CDNF: variants seen among roughly 807,000 people sequenced by gnomAD.
The protein encoded by CDNF is cerebral dopamine neurotrophic factor.
In CDNF, 9 loss-of-function variants were observed where a neutral mutation model predicts 14.8. The ratio of observed to expected loss-of-function variants is 0.61; its 90% confidence interval spans 0.37 to 1.06. CDNF has a LOEUF of 1.06. Ranked by LOEUF, CDNF falls within the 50% of genes least tolerant of loss-of-function variation. CDNF has a pLI of 0.01. For synonymous variants in CDNF, 86 were observed against 87.2 expected (o/e 0.99, Z 0.07); for missense variants, 228 against 228.4 (o/e 1.00, Z 0.01).
At chr10:14,825,197 C>A (rs529599916) in intron 3 of CDNF, among the ~76,000 whole-genome samples, 200 of 152,220 alleles carry the variant, frequency 1.3e-3, no homozygotes, top group African/African-American at 4.6e-3. Context: ...ACCTTGCGAT[C>A]CGCCCGTCTC....
In CDNF at chr10:14,828,270, A is replaced by G. The variant is rs1833815609; in HGVS notation, c.118T>C (p.Cys40Arg). 6.2e-7 allele frequency: 1 copy of G among 1,613,622 alleles called. No individual in the cohort carries two copies. Among genetic ancestry groups the G allele is most frequent in the African/African-American group, 1.3e-5 (1 of 75,006 alleles). ...GGRPGADCEV[C>R]KEFLNRFYKS... ...TAGAATCGGTTCAAGAATTCTTTAC[A>G]TACTGGAAGGAACAAATAAATATGT... is the stretch of plus-strand genomic sequence containing the variant. The change falls in exon 2 of 4, where the codon TGT (cysteine) becomes CGT (arginine). Residue 40 changes from cysteine to arginine, a missense_variant and splice_region_variant. Physicochemically the swap from Cys to Arg is radical, Grantham distance 180. Transcript: ENST00000465530.
chr10:14,831,290 C>G (rs1035984014), intron 1 of CDNF, among the ~76,000 whole-genome samples: 3 of 152,084 alleles, frequency 2.0e-5, no homozygotes, highest in Non-Finnish European at 4.4e-5. Context: ...CAGGTAAAGC[C>G]AGCTTCAGTG....
intron 3 of CDNF, 45 bp from the exon 4 acceptor site, chr10:14,820,203 A>G: frequency 6.3e-7 from 1 of 1,591,982 alleles, no homozygotes; most frequent in African/African-American, 1.4e-5. Flanking sequence ...ATAAATGGAA[A>G]AAAAATCCCT....
chr10:14,833,099 A>C (rs997108396), intron 1 of CDNF, among the ~76,000 whole-genome samples: 2 of 152,026 alleles, frequency 1.3e-5, no homozygotes, highest in Non-Finnish European at 2.9e-5. Context: ...ACCTTAGGTG[A>C]TCTGCCTGCC....
chr10:14,828,093 T>C, intron 2 of CDNF, 52 bp downstream of exon 2: 2 of 1,588,476 alleles, frequency 1.3e-6, no homozygotes, highest in South Asian at 1.1e-5. Context: ...ATGAAACTAT[T>C]AGCAGTATTC....
At chr10:14,831,547 T>TAC (rs1218293882) in intron 1 of CDNF, among the ~76,000 whole-genome samples, 75 of 148,358 alleles carry the variant, frequency 5.1e-4, no homozygotes, top group African/African-American at 1.8e-3. Flanking sequence ...ATAATACATA[T>TAC]ATACACACAC....
At chr10:14,820,249 T>G (rs1833726864) in intron 3 of CDNF, 91 bp from the exon 4 acceptor site, 36 of 1,296,108 alleles carry the variant, frequency 2.8e-5, no homozygotes, top group Non-Finnish European at 3.7e-5. Context: ...TTTGCTTATC[T>G]TGGTGCTGAC....
rs180719520 is a variant in CDNF at position 14,837,809 on chromosome 10, C to A, written c.115+23G>T. On this transcript the variant is annotated intron_variant, in intron 1 of 3. Transcript: ENST00000465530. Reference sequence around the variant, plus strand: ...GCCGCAGCGCGGGGCCGCCGCCATGCAAGCAGTTGTCACACCGCTCACCTT... The same window carrying A: ...GCCGCAGCGCGGGGCCGCCGCCATGAAAGCAGTTGTCACACCGCTCACCTT... 3.2e-5 allele frequency: 47 copies of A among 1,451,162 alleles called. No individual in the cohort carries two copies. In the Admixed American group the frequency reaches 5.4e-4, roughly 17 times the overall value. The allele number at this position is 1,451,162 out of a possible 1,614,324, so 89.9% of individuals were successfully genotyped here.
In CDNF at chr10:14,829,163, A is replaced by G. The variant is rs184598069; in HGVS notation, c.116-891T>C. 3.4e-3 allele frequency among the ~76,000 whole-genome samples: 521 copies of G among 152,386 alleles called. 1 individual carries two copies. The highest frequency in any genetic ancestry group is 6.3e-3 in the Non-Finnish European group (428 of 68,038). ...TTGGAACGAAGTTCTACCTAAAATGATAACTTTTCCACAAAATTTGGCTAA... is the reference window on the plus strand; with the variant it reads ...TTGGAACGAAGTTCTACCTAAAATGGTAACTTTTCCACAAAATTTGGCTAA... On this transcript the variant is annotated intron_variant, in intron 1 of 3. Coordinates refer to ENST00000465530, the MANE Select transcript of CDNF (RefSeq NM_001029954.3).
At chr10:14,825,065 T>C (rs1472379947) in intron 3 of CDNF, among the ~76,000 whole-genome samples, 2 of 152,030 alleles carry the variant, frequency 1.3e-5, no homozygotes, top group African/African-American at 4.8e-5. Flanking sequence ...GCGATTCTCC[T>C]GCCTCAGCCT....
At chr10:14,827,263 G>A (rs1833807167) in intron 2 of CDNF, among the ~76,000 whole-genome samples, 1 of 151,644 alleles carries the variant, frequency 6.6e-6, no homozygotes, top group South Asian at 2.1e-4. Context: ...TTAATGATAC[G>A]GATAAATGGC....
At chr10:14,829,472 A>T (rs1364352057) in intron 1 of CDNF, among the ~76,000 whole-genome samples, 1 of 152,156 alleles carries the variant, frequency 6.6e-6, no homozygotes, top group Non-Finnish European at 1.5e-5. Flanking sequence ...CCAGCTACTG[A>T]GGAGGCTAAA....
chr10:14,836,251 C>G (rs1337887164), intron 1 of CDNF: 1 of 152,146 alleles, frequency 6.6e-6, no homozygotes, highest in Admixed American at 6.5e-5. Flanking sequence ...TTTTAGTTAC[C>G]AAACTGTTAT....
chr10:14,820,217 A>T (rs1283073283), intron 3 of CDNF, 59 bp from the exon 4 acceptor site: 1 of 1,552,468 alleles, frequency 6.4e-7, no homozygotes, highest in Admixed American at 1.8e-5. Flanking sequence ...AATCCCTATG[A>T]ATCACTTCAA....
rs1833791083 is a variant in CDNF, at chr10:14,826,263, A to AAGAAGCAGCAGAAGAAGCAGT, written c.244-664_244-644dup. On this transcript the variant is annotated intron_variant, in intron 2 of 3. Transcript: ENST00000465530. ...GCAGAAGAAGCATAAGAAGCAGTAGAAGAAGCAGCAGAAGAAGCAGTAGAA... is the reference window on the plus strand; with the variant it reads ...GCAGAAGAAGCATAAGAAGCAGTAGAAGAAGCAGCAGAAGAAGCAGTAGAAGCAGCAGAAGAAGCAGTAGAA... Among the ~76,000 whole-genome samples, 6 of 151,600 alleles carry AAGAAGCAGCAGAAGAAGCAGT rather than the reference A, an allele frequency of 4.0e-5. No homozygotes were observed. The South Asian group carries it at 1.3e-3, about 32-fold the overall frequency.
chr10:14,831,168 G>C (rs995774026), intron 1 of CDNF, among the ~76,000 whole-genome samples: 10 of 152,138 alleles, frequency 6.6e-5, no homozygotes, highest in African/African-American at 9.7e-5. Flanking sequence ...CCCTGAATTA[G>C]TTGGTAGAGG....
At chr10:14,832,043 C>T (rs1197607856) in intron 1 of CDNF, among the ~76,000 whole-genome samples, 1 of 152,118 alleles carries the variant, frequency 6.6e-6, no homozygotes, top group Non-Finnish European at 1.5e-5. Flanking sequence ...TTGAGAGTTA[C>T]ATCCGATAGA....
intron 2 of CDNF, 31 bp from the exon 3 acceptor site, chr10:14,825,651 C>T: frequency 6.2e-7 from 1 of 1,607,882 alleles, no homozygotes; most frequent in South Asian, 1.1e-5. Flanking sequence ...TTGAGTGTTC[C>T]AGACAATGAA....
At chr10:14,826,095 A>AAGAAGAAGAAGC (rs1426555042) in intron 2 of CDNF, among the ~76,000 whole-genome samples, 229 of 87,442 alleles carry the variant, frequency 2.6e-3, no homozygotes, top group Middle Eastern at 5.4e-3. Flanking sequence ...GAAGAAGAAG[A>AAGAAGAAGAAGC]AGCAGCAGCA....
Sources: gnomAD v4.1 joint callset for allele counts (sites outside exome capture counted in the v4.1 genomes callset) on GRCh38, gnomAD v4.1.1 for gene constraint, MANE v1.5 for transcripts, NCBI Gene and HGNC (gene_info 2026-07-23, HGNC 2026-07-21) for gene names.